The following RANBP2 variants were observed in gnomAD, a reference collection of about 807,000 sequenced individuals.
The protein encoded by RANBP2 is E3 SUMO-protein ligase RanBP2.
A neutral mutation model predicts 303.6 loss-of-function variants in RANBP2; 57 were observed. That is an observed-to-expected ratio of 0.19 (90% CI 0.15 to 0.23). The LOEUF (loss-of-function observed/expected upper bound fraction) is 0.23. Ranked by LOEUF, RANBP2 falls within the 10% of genes least tolerant of loss-of-function variation. RANBP2 has a pLI of 1.00. For synonymous variants in RANBP2, 1,167 were observed against 1,301.5 expected (o/e 0.90, Z 2.23); for missense variants, 3,138 against 3,780.8 (o/e 0.83, Z 4.46).
At chr2:109,689,997 G>A in the RANBP2 span, among the ~76,000 whole-genome samples, 8 of 152,082 alleles carry the variant, frequency 5.3e-5, no homozygotes, top group East Asian at 3.8e-4. Context: ...GGGTATGCAC[G>A]TACGGCACAA....
the RANBP2 span, among the ~76,000 whole-genome samples, chr2:108,924,470 G>A: frequency 3.3e-5 from 5 of 152,210 alleles, no homozygotes; most frequent in South Asian, 2.1e-4. Context: ...ATTAAATAAC[G>A]TGAGCGGTGC....
At chr2:109,528,333 C>G in the RANBP2 span, among the ~76,000 whole-genome samples, 1 of 152,258 alleles carries the variant, frequency 6.6e-6, no homozygotes, top group Non-Finnish European at 1.5e-5. Context: ...GGGGTATGCT[C>G]TTCCAATTGC....
At chr2:109,459,571 C>T in the RANBP2 span, among the ~76,000 whole-genome samples, 1 of 152,178 alleles carries the variant, frequency 6.6e-6, no homozygotes, top group African/African-American at 2.4e-5. Context: ...CCCAGACATG[C>T]TCTTGCCCAT....
chr2:109,197,540 C>T, the RANBP2 span, among the ~76,000 whole-genome samples: 1 of 152,246 alleles, frequency 6.6e-6, no homozygotes, highest in Non-Finnish European at 1.5e-5. Flanking sequence ...CCCACAGCCA[C>T]CCTTGATGCA....
chr2:109,699,362 C>T, the RANBP2 span, among the ~76,000 whole-genome samples: 1 of 152,150 alleles, frequency 6.6e-6, no homozygotes, highest in African/African-American at 2.4e-5. Flanking sequence ...CTGACCCCCA[C>T]CCGCCTCCCT....
At chr2:109,383,828 C>G in the RANBP2 span, among the ~76,000 whole-genome samples, 1 of 152,188 alleles carries the variant, frequency 6.6e-6, no homozygotes, top group Non-Finnish European at 1.5e-5. Flanking sequence ...TCCAGACGTC[C>G]TGTTTTCAGT....
the RANBP2 span, chr2:109,614,161 C>A: frequency 1.7e-6 from 2 of 1,186,534 alleles, no homozygotes; most frequent in East Asian, 3.6e-5. Context: ...GGAATGCAGG[C>A]GGGAACTGCG....
chr2:109,743,703 T>G, the RANBP2 span, among the ~76,000 whole-genome samples: 1 of 94,970 alleles, frequency 1.1e-5, no homozygotes, highest in African/African-American at 3.0e-5. Flanking sequence ...TGCTGATGTT[T>G]GGGGTATGAA....
downstream of RANBP2, among the ~76,000 whole-genome samples, chr2:108,790,612 G>T (rs1035659297): frequency 2.0e-5 from 3 of 152,226 alleles, no homozygotes; most frequent in Non-Finnish European, 4.4e-5. Flanking sequence ...TGAGACAGGA[G>T]AATTGCTTGG....
the RANBP2 span, among the ~76,000 whole-genome samples, chr2:109,708,629 C>T: frequency 6.6e-6 from 1 of 151,882 alleles, no homozygotes; most frequent in African/African-American, 2.4e-5. Flanking sequence ...CCATCCTGAG[C>T]AACAGAGTGA....
chr2:109,658,251 G>C, the RANBP2 span, among the ~76,000 whole-genome samples: 3 of 151,314 alleles, frequency 2.0e-5, no homozygotes, highest in Non-Finnish European at 4.4e-5. Context: ...TTCGAGACCA[G>C]CCTGGCCAAG....
At chr2:109,583,294 T>C in the RANBP2 span, among the ~76,000 whole-genome samples, 3 of 152,132 alleles carry the variant, frequency 2.0e-5, no homozygotes, top group Admixed American at 2.0e-4. Flanking sequence ...AGCCAGAATC[T>C]GTAAGAAACT....
chr2:109,430,151 C>A, the RANBP2 span, among the ~76,000 whole-genome samples: 145 of 152,348 alleles, frequency 9.5e-4, 2 homozygotes, highest in South Asian at 2.1e-3. Flanking sequence ...CCAGAACCAA[C>A]TAAAAGGAGC....
the RANBP2 span, among the ~76,000 whole-genome samples, chr2:109,219,367 A>G: frequency 6.6e-6 from 1 of 152,300 alleles, no homozygotes; most frequent in African/African-American, 2.4e-5. Context: ...TTTCACCATC[A>G]CTTAATAAAA....
chr2:109,046,312 A>T, the RANBP2 span, among the ~76,000 whole-genome samples: 3 of 150,840 alleles, frequency 2.0e-5, no homozygotes, highest in African/African-American at 7.3e-5. Flanking sequence ...TAAAAAAAAA[A>T]AAAAGAAAAA....
chr2:109,177,694 A>G, the RANBP2 span, among the ~76,000 whole-genome samples: 1 of 152,130 alleles, frequency 6.6e-6, no homozygotes, highest in Non-Finnish European at 1.5e-5. Context: ...GTAATCTAAA[A>G]ACTCTGAATA....
the RANBP2 span, among the ~76,000 whole-genome samples, chr2:108,992,682 T>C: frequency 6.6e-6 from 1 of 152,350 alleles, no homozygotes; most frequent in African/African-American, 2.4e-5. Context: ...GTATATTTGA[T>C]GAAATGTTTT....
chr2:109,037,414 G>A, the RANBP2 span, among the ~76,000 whole-genome samples: 153 of 151,166 alleles, frequency 1.0e-3, 1 homozygote, highest in Non-Finnish European at 1.8e-3. Context: ...CAAGCAATCT[G>A]TTCTCACCAC....
At chr2:109,466,715 A>G in the RANBP2 span, among the ~76,000 whole-genome samples, 2 of 152,106 alleles carry the variant, frequency 1.3e-5, no homozygotes, top group African/African-American at 4.8e-5. Flanking sequence ...TGCATTTTAC[A>G]TTTGGGTCCA....
Sources: allele counts gnomAD v4.1 joint callset (sites outside exome capture counted in the v4.1 genomes callset), GRCh38; gene constraint gnomAD v4.1.1; transcripts MANE v1.5; gene names NCBI Gene and HGNC (gene_info 2026-07-23, HGNC 2026-07-21).